GAS2L3: variants seen among roughly 807,000 people sequenced by gnomAD.
GAS2L3 encodes the protein growth arrest specific 2 like 3.
A neutral mutation model predicts 37.0 loss-of-function variants in GAS2L3; 28 were observed. The observed-to-expected ratio is 0.76, with a 90% CI of 0.56 to 1.04. The LOEUF (loss-of-function observed/expected upper bound fraction) is 1.04, where lower values mean the gene tolerates loss of function less well. GAS2L3 is among the 50% of genes least tolerant of loss of function. The pLI is 0.00. For missense variants in GAS2L3, 793 were observed against 817.6 expected, an observed-to-expected ratio of 0.97 and a Z score of 0.37; for synonymous variants, 290 against 296.6, an observed-to-expected ratio of 0.98 and a Z score of 0.23.
intron 8 of GAS2L3, chr12:100,618,812 G>C (rs907986771): frequency 4.6e-6 from 2 of 434,286 alleles, no homozygotes; most frequent in East Asian, 7.5e-5. Context: ...GTTGAGGAGT[G>C]GTGGGGCAAA....
intron 1 of GAS2L3, among the ~76,000 whole-genome samples, chr12:100,585,584 G>A (rs1394147847): frequency 1.3e-5 from 2 of 152,156 alleles, no homozygotes; most frequent in East Asian, 1.9e-4. Flanking sequence ...TGTATGCTGT[G>A]TATCCAGCTT....
intron 1 of GAS2L3, among the ~76,000 whole-genome samples, chr12:100,583,403 T>C (rs1460504323): frequency 6.6e-6 from 1 of 152,282 alleles, no homozygotes; most frequent in Non-Finnish European, 1.5e-5. Context: ...TATGAATTCC[T>C]GAGTAGCTCA....
rs1302719803 is a variant in GAS2L3, at chr12:100,584,881, TG to T, written c.-151-6853del. 1.8e-4 allele frequency among the ~76,000 whole-genome samples: 22 copies of T among 120,236 alleles called. No individual in the cohort carries two copies. The East Asian group carries it at 3.2e-3, about 17-fold the overall frequency. 78.9% of individuals were successfully genotyped at this position (120,236 alleles called of 152,430 possible). A position where few individuals can be genotyped will look rare whatever the true frequency, so the allele number is the denominator to read the frequency against. On this transcript the variant is annotated intron_variant, in intron 1 of 9. Coordinates refer to ENST00000547754, the MANE Select transcript of GAS2L3 (RefSeq NM_174942.3). Reference sequence around the variant, plus strand: ...CCACTGTGCTTGGGCCCTACTTGAATGGTTTTTTTTTTTTTTTTTTTTTTTG... The same window carrying T: ...CCACTGTGCTTGGGCCCTACTTGAATGTTTTTTTTTTTTTTTTTTTTTTTG...
At chr12:100,576,268 C>A (rs1254241830) in intron 1 of GAS2L3, among the ~76,000 whole-genome samples, 3 of 149,752 alleles carry the variant, frequency 2.0e-5, no homozygotes, top group African/African-American at 7.4e-5. Flanking sequence ...CTTTTTTTTT[C>A]CTATCAATTT....
intron 6 of GAS2L3, among the ~76,000 whole-genome samples, chr12:100,613,336 C>T (rs1956148494): frequency 6.6e-6 from 1 of 152,150 alleles, no homozygotes; most frequent in African/African-American, 2.4e-5. Flanking sequence ...TTTTTACTCT[C>T]CAGAGGTCTC....
At chr12:100,592,603 T>C (rs2136429647) in intron 2 of GAS2L3, among the ~76,000 whole-genome samples, 1 of 152,182 alleles carries the variant, frequency 6.6e-6, no homozygotes, top group Non-Finnish European at 1.5e-5. Context: ...TAAAGATGAG[T>C]GGGTTGGGCT....
rs1956348023 is a variant in GAS2L3, at chr12:100,627,984, A to C, written c.*3094A>C. Reference sequence around the variant, plus strand: ...GGTATTTAAGGTTTATGTGTTCAAAATGCCTTGGTAAATTGGATGACCTCT... The same window carrying C: ...GGTATTTAAGGTTTATGTGTTCAAACTGCCTTGGTAAATTGGATGACCTCT... On this transcript the variant is annotated 3_prime_UTR_variant, in exon 10 of 10. Coordinates refer to ENST00000547754, the MANE Select transcript of GAS2L3 (RefSeq NM_174942.3). The C allele has an allele frequency of 6.6e-6, 1 of 152,204 alleles. No homozygotes were observed. The allele number at this position is 152,204 out of a possible 1,614,324, so 9.4% of individuals were successfully genotyped here.
chr12:100,610,268 G>A (rs1350642839), intron 5 of GAS2L3, among the ~76,000 whole-genome samples: 1 of 152,146 alleles, frequency 6.6e-6, no homozygotes. Flanking sequence ...ATTAATTATG[G>A]TAACCAGACA....
chr12:100,583,506 C>T (rs182405009), intron 1 of GAS2L3, among the ~76,000 whole-genome samples: 2 of 152,068 alleles, frequency 1.3e-5, no homozygotes, highest in East Asian at 1.9e-4. Flanking sequence ...TTTCTTTCTT[C>T]CTTCCTTCCT....
Position 100,618,594 on chromosome 12 carries a change from A to T in GAS2L3, c.648+7A>T, listed in dbSNP as rs370248898. 6.2e-6 allele frequency: 10 copies of T among 1,603,164 alleles called. No homozygotes were observed. Among genetic ancestry groups the T allele is most frequent in the Non-Finnish European group, 6.0e-6 (7 of 1,176,200 alleles). ...TGAAGAGCTACATGAAGCTGTAAGTAGTTGCCACACTTTCTTTTGACCATG... is the reference window on the plus strand; with the variant it reads ...TGAAGAGCTACATGAAGCTGTAAGTTGTTGCCACACTTTCTTTTGACCATG... On this transcript the variant is annotated splice_region_variant and intron_variant, in intron 8 of 9. Transcript: ENST00000547754.
At chr12:100,605,516 C>A (rs1340967520) in intron 5 of GAS2L3, among the ~76,000 whole-genome samples, 1 of 151,570 alleles carries the variant, frequency 6.6e-6, no homozygotes, top group African/African-American at 2.4e-5. Context: ...TTCATTATTT[C>A]TTTTCTTGTA....
chr12:100,627,808 G>A lies in GAS2L3; in HGVS notation c.*2918G>A, dbSNP rs1354504720. ...AAACGAGTATTAAGCTTAAATTACTGAAGTACCTGGGAGAAGTAATGATGT... is the reference window on the plus strand; with the variant it reads ...AAACGAGTATTAAGCTTAAATTACTAAAGTACCTGGGAGAAGTAATGATGT... On this transcript the variant is annotated 3_prime_UTR_variant, in exon 10 of 10. Transcript: ENST00000547754. 1.3e-5 allele frequency: 2 copies of A among 152,090 alleles called. No individual in the cohort carries two copies. The highest frequency in any genetic ancestry group is 2.9e-5 in the Non-Finnish European group (2 of 68,016). 9.4% of individuals were successfully genotyped at this position (152,090 alleles called of 1,614,324 possible).
rs765039375 is a variant in GAS2L3 at position 100,623,734 on chromosome 12, GA to G, written c.931del (p.Thr311HisfsTer7). 1 of 1,613,834 alleles carries G rather than the reference GA, an allele frequency of 6.2e-7. No individual in the cohort carries two copies. ...GAAAGTGTACCTGATTCGCCTGCCA[GA>G]ACACCTCAGCCTCCTGAAATGAATC... ...SNESVPDSPA[R>X]TPQPPEMNPL... On this transcript the variant is annotated frameshift_variant, in exon 10 of 10. Coordinates refer to ENST00000547754, the MANE Select transcript of GAS2L3 (RefSeq NM_174942.3). LOFTEE classifies it low-confidence loss of function (END_TRUNC).
intron 1 of GAS2L3, among the ~76,000 whole-genome samples, chr12:100,586,115 A>G (rs749107473): frequency 2.0e-5 from 3 of 152,182 alleles, no homozygotes; most frequent in Non-Finnish European, 2.9e-5. Context: ...TGCATTTAGG[A>G]TAATATCTGG....
intron 6 of GAS2L3, 139 bp from the exon 7 acceptor site, chr12:100,617,605 T>TAA (rs1956203251): frequency 3.3e-6 from 2 of 611,814 alleles, no homozygotes; most frequent in Non-Finnish European, 5.8e-6. Context: ...AAAATAAAAG[T>TAA]GTCTTTTCTT....
chr12:100,574,014 T>G (rs1955604552), intron 1 of GAS2L3: 1 of 152,226 alleles, frequency 6.6e-6, no homozygotes, highest in South Asian at 2.1e-4. Context: ...ACGTTGCGCC[T>G]GCCTTCACCT....
rs1326824694 is a variant in GAS2L3, at chr12:100,599,662, TTATTCATTCATTCAA to T, written c.19-719_19-705del. Among the ~76,000 whole-genome samples, 43 of 109,030 alleles carry T rather than the reference TTATTCATTCATTCAA, an allele frequency of 3.9e-4. No homozygotes were observed. In the South Asian group the frequency reaches 0.015, roughly 38 times the overall value. 71.5% of individuals were successfully genotyped at this position (109,030 alleles called of 152,430 possible). ...TGCCATTTATGCTTCATTCATTCATTTATTCATTCATTCAACAAATGTTTATTGAGTCTCTGCTAT... is the reference window on the plus strand; with the variant it reads ...TGCCATTTATGCTTCATTCATTCATTCAAATGTTTATTGAGTCTCTGCTAT... On this transcript the variant is annotated intron_variant, in intron 3 of 9. Transcript: ENST00000547754.
intron 1 of GAS2L3, chr12:100,574,003 G>T (rs540202375): frequency 6.6e-6 from 1 of 152,404 alleles, no homozygotes; most frequent in South Asian, 2.1e-4. Context: ...CCGTCAAGGT[G>T]ACGTTGCGCC....
intron 5 of GAS2L3, among the ~76,000 whole-genome samples, chr12:100,604,702 C>T (rs530201629): frequency 9.2e-5 from 14 of 152,008 alleles, no homozygotes; most frequent in Non-Finnish European, 1.9e-4. Flanking sequence ...TTCAGTTTTT[C>T]CCCATTTGGT....
Sources: gnomAD v4.1 joint callset for allele counts (sites outside exome capture counted in the v4.1 genomes callset) on GRCh38, gnomAD v4.1.1 for gene constraint, MANE v1.5 for transcripts, NCBI Gene and HGNC (gene_info 2026-07-23, HGNC 2026-07-21) for gene names.